The following MME variants were observed in gnomAD, a reference collection of about 807,000 sequenced individuals.
The protein encoded by MME is membrane metalloendopeptidase.
Under a neutral mutation model 113.2 loss-of-function variants are expected in MME, and 98 were observed. The ratio of observed to expected loss-of-function variants is 0.87; its 90% CI spans 0.74 to 1.02. The LOEUF is 1.02. Ranked by LOEUF, MME falls within the 50% of genes least tolerant of loss-of-function variation. The pLI is 0.00. For missense variants in MME, 836 were observed against 896.0 expected (o/e 0.93, Z 0.86); for synonymous variants, 292 against 300.6 (o/e 0.97, Z 0.30).
At chr3:155,068,036 T>C (rs920775967) in intron 1 of MME, among the ~76,000 whole-genome samples, 1 of 152,204 alleles carries the variant, frequency 6.6e-6, no homozygotes, top group Admixed American at 6.5e-5. Flanking sequence ...CAAATTTCTA[T>C]CAACAAGGGA....
intron 20 of MME, among the ~76,000 whole-genome samples, chr3:155,170,768 C>A (rs955052674): frequency 1.3e-5 from 2 of 152,056 alleles, no homozygotes; most frequent in Non-Finnish European, 2.9e-5. Context: ...ACTCTCAGCT[C>A]CTTATCCTCA....
chr3:155,162,561 A>C (rs939467873), intron 17 of MME, among the ~76,000 whole-genome samples: 3 of 152,186 alleles, frequency 2.0e-5, no homozygotes, highest in African/African-American at 7.2e-5. Flanking sequence ...AAAACTTGTT[A>C]ACCTCTTTTC....
chr3:155,124,395 G>A lies in MME; in HGVS notation c.720+5584G>A, dbSNP rs1340381685. Among the ~76,000 whole-genome samples, 500 of 150,764 alleles carry A rather than the reference G, an allele frequency of 3.3e-3. 2 individuals carry two copies. The highest frequency in any genetic ancestry group is 0.014 in the Middle Eastern group (4 of 286). Reference sequence around the variant, plus strand: ...TCCTGTAGCTCAGAGTAATTTGATCGTCTGAAGCCTTCTTCTCTCAGCTCG... The same window carrying A: ...TCCTGTAGCTCAGAGTAATTTGATCATCTGAAGCCTTCTTCTCTCAGCTCG... On this transcript the variant is annotated intron_variant, in intron 8 of 22. Coordinates refer to ENST00000360490, the MANE Select transcript of MME (RefSeq NM_007289.4).
intron 1 of MME, among the ~76,000 whole-genome samples, chr3:155,060,847 G>C (rs1714111465): frequency 6.6e-6 from 1 of 151,728 alleles, no homozygotes; most frequent in African/African-American, 2.4e-5. Flanking sequence ...GAGAGAGAGA[G>C]AGAGAGAGAG....
In MME at chr3:155,143,520, T is replaced by C. The variant is rs749048095; in HGVS notation, c.1266T>C (p.Ala422=). Residue 422 remains alanine, a synonymous_variant, in exon 13 of 23, where the codon GCT becomes GCC. Coordinates refer to ENST00000360490, the MANE Select transcript of MME (RefSeq NM_007289.4). ...ANYVNGNMEN[A]VGRLYVEAAF... is the part of the protein sequence containing the mutation. Reference sequence around the variant, plus strand: ...ATGTCAATGGGAATATGGAAAATGCTGTGGGGAGGCTTTATGTGGAAGCAG... The same window carrying C: ...ATGTCAATGGGAATATGGAAAATGCCGTGGGGAGGCTTTATGTGGAAGCAG... 4.3e-6 allele frequency: 7 copies of C among 1,612,720 alleles called. No homozygotes were observed. In the African/African-American group the frequency reaches 9.4e-5, roughly 22 times the overall value.
chr3:155,084,267 C>A lies in MME; in HGVS notation c.100C>A (p.Leu34Ile). ...WTPLEISLSV[L>I]VLLLTIIAVT... ...TCCACTGGAGATCAGCCTCTCGGTCCTTGTCCTGCTCCTCACCATCATAGC... is the reference window on the plus strand; with the variant it reads ...TCCACTGGAGATCAGCCTCTCGGTCATTGTCCTGCTCCTCACCATCATAGC... The change falls in exon 2 of 23, where the codon CTT (leucine) becomes ATT (isoleucine). Residue 34 changes from leucine to isoleucine, a missense_variant. By Grantham distance (5) the Leu-to-Ile change is conservative (BLOSUM62 2). Coordinates refer to ENST00000360490, the MANE Select transcript of MME (RefSeq NM_007289.4). 6.2e-7 allele frequency: 1 copy of A among 1,614,184 alleles called. No individual in the cohort carries two copies. Among genetic ancestry groups the A allele is most frequent in the Non-Finnish European group, 8.5e-7 (1 of 1,180,032 alleles).
chr3:155,100,888 C>T (rs1717147097), intron 3 of MME, among the ~76,000 whole-genome samples: 1 of 152,122 alleles, frequency 6.6e-6, no homozygotes, highest in Admixed American at 6.6e-5. Context: ...GCAATTGGTG[C>T]TATGAAACTT....
Position 155,084,214 on chromosome 3 carries a change from C to A in MME, c.47C>A (p.Pro16Gln), listed in dbSNP as rs199935778. 71 of 1,613,936 alleles carry A rather than the reference C, an allele frequency of 4.4e-5. No individual in the cohort carries two copies. The highest frequency in any genetic ancestry group is 2.2e-4 in the Admixed American group (13 of 59,990). ...ATGGATATAACTGATATCAACACTC[C>A]AAAGCCAAAGAAGAAACAGCGATGG... The part of the protein sequence containing the change: ...SQMDITDINT[P>Q]KPKKKQRWTP... The change falls in exon 2 of 23, where the codon CCA becomes CAA. Residue 16 changes from proline (P) to glutamine (Q), a missense_variant. Physicochemically the swap from Pro to Gln is moderately conservative, Grantham distance 76 (BLOSUM62 -1). Coordinates refer to ENST00000360490, the MANE Select transcript of MME (RefSeq NM_007289.4).
Position 155,111,780 on chromosome 3 carries a change from G to C in MME, c.197-3214G>C, listed in dbSNP as rs538499443. On this transcript the variant is annotated intron_variant, in intron 3 of 22. Coordinates refer to ENST00000360490, the MANE Select transcript of MME (RefSeq NM_007289.4). ...ACAGAAGCTTTCATTTCCCCAGAAAGAGGAAGAAAACAGAAGTGCCCCCTC... is the reference window on the plus strand; with the variant it reads ...ACAGAAGCTTTCATTTCCCCAGAAACAGGAAGAAAACAGAAGTGCCCCCTC... Among the ~76,000 whole-genome samples, 203 of 152,256 alleles carry C rather than the reference G, an allele frequency of 1.3e-3. 1 individual carries two copies. The highest frequency in any genetic ancestry group is 4.7e-3 in the African/African-American group (197 of 41,534).
intron 1 of MME, among the ~76,000 whole-genome samples, chr3:155,070,178 CTT>C (rs1204797556): frequency 6.6e-6 from 1 of 152,178 alleles, no homozygotes; most frequent in Non-Finnish European, 1.5e-5. Flanking sequence ...TCTCTTAACA[CTT>C]TTATTTCTTT....
At chr3:155,130,963 T>C (rs1720101298) in intron 8 of MME, among the ~76,000 whole-genome samples, 1 of 152,160 alleles carries the variant, frequency 6.6e-6, no homozygotes. Flanking sequence ...ATGGAACTCA[T>C]GTTCTAATGG....
At chr3:155,146,193 A>G (rs1352110100) in intron 14 of MME, among the ~76,000 whole-genome samples, 2 of 152,226 alleles carry the variant, frequency 1.3e-5, no homozygotes, top group Non-Finnish European at 2.9e-5. Flanking sequence ...AATAAGTAAA[A>G]TAAACCATTT....
At chr3:155,103,289 C>T (rs954082139) in intron 3 of MME, among the ~76,000 whole-genome samples, 1 of 152,198 alleles carries the variant, frequency 6.6e-6, no homozygotes, top group African/African-American at 2.4e-5. Context: ...AGTCACAAAA[C>T]TATTGATGCC....
At chr3:155,092,705 G>A (rs1225851722) in intron 3 of MME, among the ~76,000 whole-genome samples, 1 of 152,166 alleles carries the variant, frequency 6.6e-6, no homozygotes, top group East Asian at 1.9e-4. Flanking sequence ...GTGCAATGGT[G>A]TAGATAAACA....
chr3:155,113,727 C>A (rs548698079), intron 3 of MME, among the ~76,000 whole-genome samples: 1 of 152,168 alleles, frequency 6.6e-6, no homozygotes, highest in South Asian at 2.1e-4. Context: ...AGGTACCAAT[C>A]AGAATGAGAG....
chr3:155,182,287 A>T lies in MME; in HGVS notation c.*1828A>T, dbSNP rs1048889974. On this transcript the variant is annotated 3_prime_UTR_variant, in exon 23 of 23. Coordinates refer to ENST00000360490, the MANE Select transcript of MME (RefSeq NM_007289.4). Reference sequence around the variant, plus strand: ...TTGCAGAATAATGTTCTATTGTGGGACTTATTACAATTTGTTCATCCTATT... The same window carrying T: ...TTGCAGAATAATGTTCTATTGTGGGTCTTATTACAATTTGTTCATCCTATT... 1 of 152,068 alleles carries T rather than the reference A, an allele frequency of 6.6e-6. No homozygotes were observed. Among genetic ancestry groups the T allele is most frequent in the African/African-American group, 2.4e-5 (1 of 41,396 alleles). 9.4% of individuals were successfully genotyped at this position (152,068 alleles called of 1,614,324 possible).
chr3:155,083,872 A>T, intron 1 of MME: 1 of 373,742 alleles, frequency 2.7e-6, no homozygotes, highest in South Asian at 2.4e-5. Context: ...TGAGTATTTA[A>T]CCAAGTCTTA....
At chr3:155,143,888 C>A (rs1721312193) in intron 13 of MME, among the ~76,000 whole-genome samples, 1 of 152,028 alleles carries the variant, frequency 6.6e-6, no homozygotes, top group African/African-American at 2.4e-5. Context: ...AAATTGCCCC[C>A]AAATTAGTAT....
At chr3:155,026,441 T>C (rs1199690441) in intron 1 of MME, among the ~76,000 whole-genome samples, 3 of 152,146 alleles carry the variant, frequency 2.0e-5, no homozygotes, top group African/African-American at 7.2e-5. Context: ...AAATAAGCCT[T>C]GGCTGAGCGC....
Sources: gnomAD v4.1 joint callset for allele counts (sites outside exome capture counted in the v4.1 genomes callset) on GRCh38, gnomAD v4.1.1 for gene constraint, MANE v1.5 for transcripts, NCBI Gene and HGNC (gene_info 2026-07-23, HGNC 2026-07-21) for gene names.